Variants in PPP1R37 observed in about 807,000 individuals in gnomAD.
PPP1R37 encodes the protein leucine rich repeat containing 68.
A neutral mutation model predicts 61.0 loss-of-function variants in PPP1R37; 21 were observed. The ratio of observed to expected loss-of-function variants is 0.34; its 90% CI spans 0.24 to 0.50. The LOEUF (loss-of-function observed/expected upper bound fraction) is 0.50, where lower values mean the gene tolerates loss of function less well. Among genes scored for constraint, PPP1R37 ranks in the 20% least tolerant of loss-of-function variants. PPP1R37 has a pLI of 0.98. For missense variants in PPP1R37, 910 were observed against 952.7 expected (o/e 0.96, Z 0.59); for synonymous variants, 443 against 433.5 (o/e 1.02, Z -0.27).
At position 45,093,389 on chromosome 19, in the gene PPP1R37, C is replaced by A. The variant is rs1967947758; in HGVS notation, c.64C>A (p.Pro22Thr). The change falls in exon 1 of 13, where the codon CCA (proline) becomes ACA (threonine). Residue 22 changes from proline to threonine, a missense_variant. Pro to Thr is a conservative substitution (Grantham distance 38, BLOSUM62 -1). Coordinates refer to ENST00000221462, the MANE Select transcript of PPP1R37 (RefSeq NM_019121.2). ...PGADGDIEEAPAEAGSPSPAS... is the reference protein window; with the variant it reads ...PGADGDIEEATAEAGSPSPAS... ...CGCGGACGGCGACATTGAAGAGGCC[C>A]CAGCTGAGGCCGGGTCTCCCAGCCC... 3 of 1,532,788 alleles carry A rather than the reference C, an allele frequency of 2.0e-6. No individual in the cohort carries two copies. The African/African-American group carries it at 4.1e-5, about 21-fold the overall frequency. 94.9% of individuals were successfully genotyped at this position (1,532,788 alleles called of 1,614,324 possible).
chr19:45,145,390 C>T lies in PPP1R37; in HGVS notation c.1334C>T (p.Ala445Val), dbSNP rs931038525. Residue 445 changes from alanine to valine, a missense_variant, in exon 11 of 13, where the codon GCC becomes GTC. Ala to Val is a moderately conservative substitution (Grantham distance 64). Coordinates refer to ENST00000221462, the MANE Select transcript of PPP1R37 (RefSeq NM_019121.2). ...SFIETQKALLAEIQNGCKRNL... is the reference protein window; with the variant it reads ...SFIETQKALLVEIQNGCKRNL... Reference sequence around the variant, plus strand: ...ATCGAGACGCAGAAGGCGCTGCTGGCCGAGATCCAGAACGGCTGCAAGCGC... The same window carrying T: ...ATCGAGACGCAGAAGGCGCTGCTGGTCGAGATCCAGAACGGCTGCAAGCGC... 5 of 1,535,392 alleles carry T rather than the reference C, an allele frequency of 3.3e-6. No homozygotes were observed. In the African/African-American group the frequency reaches 6.8e-5, roughly 21 times the overall value.
intron 1 of PPP1R37, among the ~76,000 whole-genome samples, chr19:45,111,948 T>C (rs1455388025): frequency 1.3e-5 from 2 of 152,052 alleles, no homozygotes; most frequent in African/African-American, 4.8e-5. Context: ...AGGAAATTCC[T>C]GGGTCTTGGT....
intron 1 of PPP1R37, among the ~76,000 whole-genome samples, chr19:45,134,560 C>A (rs1276275525): frequency 6.6e-6 from 1 of 150,432 alleles, no homozygotes; most frequent in Non-Finnish European, 1.5e-5. Flanking sequence ...TGTGCTCATT[C>A]CTTTTTTTTT....
chr19:45,093,556 G>C, intron 1 of PPP1R37, 29 bp downstream of exon 1: 1 of 1,514,784 alleles, frequency 6.6e-7, no homozygotes, highest in South Asian at 1.2e-5. Flanking sequence ...GCGGGGGCGG[G>C]CTCGAGAGGG....
At chr19:45,117,796 G>C (rs1222797706) in intron 1 of PPP1R37, among the ~76,000 whole-genome samples, 1 of 152,244 alleles carries the variant, frequency 6.6e-6, no homozygotes, top group African/African-American at 2.4e-5. Flanking sequence ...TGAGGCCGCA[G>C]AGTTAGTCTT....
At chr19:45,106,316 A>AGG (rs1968130082) in intron 1 of PPP1R37, among the ~76,000 whole-genome samples, 1 of 151,912 alleles carries the variant, frequency 6.6e-6, no homozygotes, top group African/African-American at 2.4e-5. Flanking sequence ...ATCTTGGCTT[A>AGG]CTGAAACCTT....
rs1391788540 is a variant in PPP1R37 at position 45,121,205 on chromosome 19, G to C, written c.203-17309G>C. On this transcript the variant is annotated intron_variant, in intron 1 of 12. Transcript: ENST00000221462. This position sits in a 1 kb window ranked among gnomAD's most constrained non-coding sequence, Gnocchi z 4.2. ...GAGTGCCACTGGGGATTGTAGGAGT[G>C]GTGGGAGAGCGTGGGGATGATTACT... is the stretch of plus-strand genomic sequence containing the variant. Among the ~76,000 whole-genome samples, 1 of 152,218 alleles carries C rather than the reference G, an allele frequency of 6.6e-6. No individual in the cohort carries two copies.
At chr19:45,135,016 G>A (rs987252991) in intron 1 of PPP1R37, among the ~76,000 whole-genome samples, 3 of 152,190 alleles carry the variant, frequency 2.0e-5, no homozygotes, top group Admixed American at 6.6e-5. Context: ...TTGGGAGGCC[G>A]AGGTGGGCAG....
chr19:45,098,309 C>T lies in PPP1R37; in HGVS notation c.202+4782C>T, dbSNP rs116497661. Among the ~76,000 whole-genome samples, 1,475 of 152,360 alleles carry T rather than the reference C, an allele frequency of 9.7e-3. 6 individuals are homozygous for T. The highest frequency in any genetic ancestry group is 0.014 in the Middle Eastern group (4 of 294). On this transcript the variant is annotated intron_variant, in intron 1 of 12. Coordinates refer to ENST00000221462, the MANE Select transcript of PPP1R37 (RefSeq NM_019121.2). ...CAAGGCCAGACTTACACAAGGAACC[C>T]ATCAGGCCAAACTGCAGGAATGACC...
At chr19:45,125,846 A>G (rs145903417) in intron 1 of PPP1R37, among the ~76,000 whole-genome samples, 2,016 of 152,326 alleles carry the variant, frequency 0.013, 27 homozygotes, top group South Asian at 0.046. Context: ...GAAGTGGGCC[A>G]TTCTGGCCTC....
chr19:45,109,981 T>C (rs1338983548), intron 1 of PPP1R37, among the ~76,000 whole-genome samples: 1 of 152,214 alleles, frequency 6.6e-6, no homozygotes, highest in Non-Finnish European at 1.5e-5. Flanking sequence ...TGGCCTCCTG[T>C]CCCCATCCAG....
intron 1 of PPP1R37, among the ~76,000 whole-genome samples, chr19:45,127,742 C>T (rs1353841454): frequency 6.6e-6 from 1 of 151,978 alleles, no homozygotes; most frequent in Non-Finnish European, 1.5e-5. Context: ...TGTGGGAGGC[C>T]GAGGTGGGTG....
intron 1 of PPP1R37, among the ~76,000 whole-genome samples, chr19:45,138,264 G>A (rs1968563343): frequency 6.6e-6 from 1 of 152,216 alleles, no homozygotes; most frequent in Admixed American, 6.5e-5. Context: ...GTGTATTTGT[G>A]TGAAGGTGCT....
At chr19:45,112,347 T>C (rs1228645171) in intron 1 of PPP1R37, among the ~76,000 whole-genome samples, 1 of 111,254 alleles carries the variant, frequency 9.0e-6, no homozygotes, top group Non-Finnish European at 2.1e-5. Context: ...TGAGCAAGAC[T>C]TTCGCTAGAG....
At position 45,143,628 on chromosome 19, in the gene PPP1R37, A is replaced by G; in HGVS notation, c.982A>G (p.Thr328Ala). ...CACAGGCATGGCCTTCCTGGGCATG[A>G]CACTGGTGAGTCAGGCTGGCAGGGA... The part of the protein sequence containing the change: ...THTGMAFLGM[T>A]LPHTQSLETL... Residue 328 changes from threonine (T) to alanine (A), a missense_variant, in exon 8 of 13, where the codon ACA becomes GCA. Around this residue, in one of 3 missense-constraint regions of PPP1R37, gnomAD observed 549 missense variants for 505.1 expected, o/e 1.09. Transcript: ENST00000221462. 6 of 1,527,684 alleles carry G rather than the reference A, an allele frequency of 3.9e-6. No individual in the cohort carries two copies. Among genetic ancestry groups the G allele is most frequent in the Non-Finnish European group, 5.3e-6 (6 of 1,139,356 alleles). 94.6% of individuals were successfully genotyped at this position (1,527,684 alleles called of 1,614,324 possible). A position where few individuals can be genotyped will look rare whatever the true frequency, so the allele number is the denominator to read the frequency against.
At chr19:45,134,105 C>T (rs1054787589) in intron 1 of PPP1R37, among the ~76,000 whole-genome samples, 1 of 152,232 alleles carries the variant, frequency 6.6e-6, no homozygotes, top group African/African-American at 2.4e-5. Context: ...CAGCCAGCTG[C>T]TCTCCCTGCA....
intron 1 of PPP1R37, among the ~76,000 whole-genome samples, chr19:45,096,184 C>A (rs1967991113): frequency 6.6e-6 from 1 of 151,778 alleles, no homozygotes; most frequent in South Asian, 2.1e-4. Context: ...TGGGGTGGGG[C>A]CTGGATGTGG....
At chr19:45,135,357 G>A (rs13344075) in intron 1 of PPP1R37, among the ~76,000 whole-genome samples, 1 of 152,194 alleles carries the variant, frequency 6.6e-6, no homozygotes, top group Admixed American at 6.5e-5. Context: ...CAGCCTCCTC[G>A]CCCCAGCGGT....
Position 45,121,505 on chromosome 19 carries a change from G to A in PPP1R37, c.203-17009G>A, listed in dbSNP as rs1968342079. Among the ~76,000 whole-genome samples, 1 of 152,242 alleles carries A rather than the reference G, an allele frequency of 6.6e-6. No homozygotes were observed. The highest frequency in any genetic ancestry group is 2.1e-4 in the South Asian group (1 of 4,836). On this transcript the variant is annotated intron_variant, in intron 1 of 12. Coordinates refer to ENST00000221462, the MANE Select transcript of PPP1R37 (RefSeq NM_019121.2). The surrounding 1 kb of genome is among the most constrained non-coding windows in gnomAD (Gnocchi z 4.2). ...TTGAGGCCACTGGATTCCCTAGGTA[G>A]GGAGCTCCCCAAATACAGGAAGAAG...
Sources: allele counts gnomAD v4.1 joint callset (sites outside exome capture counted in the v4.1 genomes callset), GRCh38; gene constraint gnomAD v4.1.1; regional missense constraint gnomAD v4.1.1; non-coding constraint Gnocchi (gnomAD v3.1); transcripts MANE v1.5; gene names NCBI Gene and HGNC (gene_info 2026-07-23, HGNC 2026-07-21).